PAM: variants seen among roughly 807,000 people sequenced by gnomAD.
PAM encodes peptidylglycine alpha-amidating monooxygenase.
A neutral mutation model predicts 122.1 loss-of-function variants in PAM; 72 were observed. The observed-to-expected ratio is 0.59, with a 90% CI of 0.49 to 0.72. The LOEUF (loss-of-function observed/expected upper bound fraction) is 0.72, where lower values mean the gene tolerates loss of function less well. PAM is among the 30% of genes least tolerant of loss of function. The probability of loss-of-function intolerance (pLI) is 0.00; values close to 1 mark genes in which losing one functional copy is unlikely to be tolerated. For synonymous variants in PAM, 389 were observed against 404.4 expected, an observed-to-expected ratio of 0.96 and a Z score of 0.46; for missense variants, 1,106 against 1,183.7, an observed-to-expected ratio of 0.93 and a Z score of 0.96.
intron 12 of PAM, among the ~76,000 whole-genome samples, chr5:102,954,251 C>A (rs1270169442): frequency 6.6e-6 from 1 of 151,768 alleles, no homozygotes; most frequent in Non-Finnish European, 1.5e-5. Context: ...ACCTGTCACC[C>A]AAGCAATGTA....
chr5:102,853,970 A>T (rs1205283996), intron 1 of PAM, among the ~76,000 whole-genome samples: 1 of 152,232 alleles, frequency 6.6e-6, no homozygotes, highest in Non-Finnish European at 1.5e-5. Context: ...CTTAGCCTTT[A>T]TGTATTTTGC....
At chr5:102,892,895 T>C (rs1795146313) in intron 3 of PAM, among the ~76,000 whole-genome samples, 1 of 151,778 alleles carries the variant, frequency 6.6e-6, no homozygotes, top group Admixed American at 6.6e-5. Context: ...CAAATTGTCG[T>C]TTGTTATATA....
At chr5:102,961,499 C>A (rs1762484455) in intron 14 of PAM, among the ~76,000 whole-genome samples, 1 of 151,678 alleles carries the variant, frequency 6.6e-6, no homozygotes, top group African/African-American at 2.4e-5. Context: ...ATGTATAGTA[C>A]AAATAAGTGC....
intron 1 of PAM, among the ~76,000 whole-genome samples, chr5:102,788,423 A>G (rs989780314): frequency 2.6e-4 from 37 of 144,714 alleles, no homozygotes; most frequent in African/African-American, 8.9e-4. Flanking sequence ...TATGCAAGAC[A>G]TAATAACTCT....
intron 15 of PAM, among the ~76,000 whole-genome samples, chr5:102,982,192 A>G (rs1770122695): frequency 6.6e-6 from 1 of 152,094 alleles, no homozygotes; most frequent in African/African-American, 2.4e-5. Context: ...TGGGTCTGTC[A>G]AGCCTGCCAT....
At chr5:102,812,791 TTTTA>T (rs1441196464) in intron 1 of PAM, among the ~76,000 whole-genome samples, 18 of 152,234 alleles carry the variant, frequency 1.2e-4, no homozygotes, top group African/African-American at 3.8e-4. Flanking sequence ...CAGCTGGCTC[TTTTA>T]TTTAATAAAT....
At chr5:102,787,267 C>G (rs1334053069) in intron 1 of PAM, among the ~76,000 whole-genome samples, 4 of 152,026 alleles carry the variant, frequency 2.6e-5, no homozygotes, top group African/African-American at 4.8e-5. Flanking sequence ...CTAGGTCCCG[C>G]CAGACCCACA....
chr5:102,983,342 C>T (rs1038825175), intron 15 of PAM, among the ~76,000 whole-genome samples: 3 of 150,032 alleles, frequency 2.0e-5, no homozygotes, highest in African/African-American at 7.4e-5. Context: ...TACAGCTACT[C>T]GGGAGGCTGA....
chr5:103,012,810 C>T (rs193062816), intron 21 of PAM, among the ~76,000 whole-genome samples: 88 of 148,420 alleles, frequency 5.9e-4, no homozygotes, highest in African/African-American at 1.9e-3. Context: ...GAGCGAAGAT[C>T]GTGCCACTGC....
chr5:102,781,203 A>G (rs773029699), intron 1 of PAM, among the ~76,000 whole-genome samples: 4 of 152,124 alleles, frequency 2.6e-5, no homozygotes, highest in Non-Finnish European at 4.4e-5. Flanking sequence ...GCTTTTAATA[A>G]TTACTCATTT....
intron 3 of PAM, chr5:102,873,347 C>T (rs892764615): frequency 9.9e-5 from 15 of 152,108 alleles, no homozygotes; most frequent in Admixed American, 5.2e-4. Flanking sequence ...AACCAACAGC[C>T]TTTTGGGCAC....
At chr5:102,799,494 C>T (rs1388922841) in intron 1 of PAM, among the ~76,000 whole-genome samples, 7 of 152,160 alleles carry the variant, frequency 4.6e-5, no homozygotes, top group African/African-American at 1.7e-4. Flanking sequence ...TTAACTATTT[C>T]AAGGCTGGTC....
chr5:102,804,318 T>C (rs1765649190), intron 1 of PAM, among the ~76,000 whole-genome samples: 1 of 152,060 alleles, frequency 6.6e-6, no homozygotes, highest in Non-Finnish European at 1.5e-5. Flanking sequence ...CAAAGTGATA[T>C]ATAGAATTAT....
chr5:103,008,445 T>C lies in PAM; in HGVS notation c.2215+788T>C, dbSNP rs1779675775. Among the ~76,000 whole-genome samples the C allele has an allele frequency of 2.0e-5, 3 of 152,232 alleles. No homozygotes were observed. The South Asian group carries it at 6.2e-4, about 32-fold the overall frequency. On this transcript the variant is annotated intron_variant, in intron 20 of 25. Coordinates refer to ENST00000438793, the MANE Select transcript of PAM (RefSeq NM_001177306.2). ...TGTTTTATGGTGAAAACATTTAAAA[T>C]ATGCTCTTTTCACAATGAAGTGAAA...
At chr5:102,884,089 T>C (rs1581306008) in intron 3 of PAM, among the ~76,000 whole-genome samples, 1 of 151,842 alleles carries the variant, frequency 6.6e-6, no homozygotes, top group Non-Finnish European at 1.5e-5. Context: ...GGTTATATAG[T>C]TTTAAACTAG....
intron 1 of PAM, among the ~76,000 whole-genome samples, chr5:102,785,923 G>T (rs889164667): frequency 1.3e-5 from 2 of 151,988 alleles, no homozygotes; most frequent in Non-Finnish European, 2.9e-5. Flanking sequence ...TAACATGTTC[G>T]TTTTATTTCA....
At chr5:102,867,478 G>A in intron 3 of PAM, 85 bp downstream of exon 3, 7 of 982,412 alleles carry the variant, frequency 7.1e-6, no homozygotes, top group Non-Finnish European at 1.1e-5. Context: ...ACAGCTGTAG[G>A]AACTTCTTTA....
At chr5:102,911,820 C>T (rs564875629) in intron 4 of PAM, among the ~76,000 whole-genome samples, 2 of 152,018 alleles carry the variant, frequency 1.3e-5, no homozygotes, top group East Asian at 1.9e-4. Flanking sequence ...ATATACATTG[C>T]ATTAGTATAA....
At chr5:102,834,184 TA>T (rs56381288) in intron 1 of PAM, among the ~76,000 whole-genome samples, 1 of 152,080 alleles carries the variant, frequency 6.6e-6, no homozygotes, top group African/African-American at 2.4e-5. Context: ...GATGATTTTT[TA>T]AAAAAAGAAA....
Sources: allele counts gnomAD v4.1 joint callset (sites outside exome capture counted in the v4.1 genomes callset), GRCh38; gene constraint gnomAD v4.1.1; transcripts MANE v1.5; gene names NCBI Gene and HGNC (gene_info 2026-07-23, HGNC 2026-07-21).